The following SNTG1 variants were observed in gnomAD, a reference collection of about 807,000 sequenced individuals.
SNTG1 encodes syntrophin gamma 1.
Under a neutral mutation model 74.7 loss-of-function variants are expected in SNTG1, and 39 were observed. That is an observed-to-expected ratio of 0.52 (90% CI 0.40 to 0.68). The LOEUF is 0.68. Among genes scored for constraint, SNTG1 ranks in the 30% least tolerant of loss-of-function variants. The pLI, the probability that SNTG1 is intolerant of heterozygous loss-of-function variation, is 0.00. For synonymous variants in SNTG1, 254 were observed against 217.1 expected, an observed-to-expected ratio of 1.17 and a Z score of -1.49; for missense variants, 685 against 609.5, an observed-to-expected ratio of 1.12 and a Z score of -1.30.
intron 8 of SNTG1, among the ~76,000 whole-genome samples, chr8:50,501,184 C>G (rs1356227716): frequency 6.6e-6 from 1 of 151,860 alleles, no homozygotes; most frequent in African/African-American, 2.4e-5. Context: ...GTGGTATGAG[C>G]CTATATAGCG....
At chr8:50,618,405 C>G (rs1286920748) in intron 13 of SNTG1, among the ~76,000 whole-genome samples, 1 of 152,156 alleles carries the variant, frequency 6.6e-6, no homozygotes, top group East Asian at 1.9e-4. Context: ...CATTATAATT[C>G]TACCATATAC....
At chr8:50,746,600 C>T (rs2095555586) in intron 17 of SNTG1, among the ~76,000 whole-genome samples, 1 of 151,600 alleles carries the variant, frequency 6.6e-6, no homozygotes, top group South Asian at 2.1e-4. Flanking sequence ...AACATGACAC[C>T]ATAACAGAAA....
At chr8:50,450,474 T>G in intron 6 of SNTG1, 82 bp from the exon 7 acceptor site, 1 of 1,401,116 alleles carries the variant, frequency 7.1e-7, no homozygotes, top group Non-Finnish European at 1.0e-6. Flanking sequence ...TTTGTAAATT[T>G]TACCTTTATT....
chr8:50,455,831 T>C (rs1297160773), intron 8 of SNTG1, among the ~76,000 whole-genome samples: 1 of 152,214 alleles, frequency 6.6e-6, no homozygotes, highest in Non-Finnish European at 1.5e-5. Flanking sequence ...GCACAAATCA[T>C]GTTTTACCTA....
In SNTG1 at chr8:50,026,507, T is replaced by C. The variant is rs542575602; in HGVS notation, c.-103+114276T>C. Among the ~76,000 whole-genome samples the C allele has an allele frequency of 7.2e-5, 11 of 152,278 alleles. No homozygotes were observed. The South Asian group carries it at 2.3e-3, about 32-fold the overall frequency. Reference sequence around the variant, plus strand: ...TGACCAATTAAATTCATAAGAGTTTTCCATACTCCTGTCCCTAAGACTACC... The same window carrying C: ...TGACCAATTAAATTCATAAGAGTTTCCCATACTCCTGTCCCTAAGACTACC... On this transcript the variant is annotated intron_variant, in intron 1 of 18. Transcript: ENST00000642720.
intron 2 of SNTG1, among the ~76,000 whole-genome samples, chr8:50,295,164 T>C (rs1303297304): frequency 6.6e-6 from 1 of 152,132 alleles, no homozygotes; most frequent in Non-Finnish European, 1.5e-5. Flanking sequence ...AAATCAAACC[T>C]AAGGACAAAG....
chr8:50,727,098 G>C (rs1161935770), intron 17 of SNTG1, among the ~76,000 whole-genome samples: 2 of 152,108 alleles, frequency 1.3e-5, no homozygotes, highest in African/African-American at 4.8e-5. Flanking sequence ...ATACGCAAGA[G>C]AGAAAAGGTA....
intron 18 of SNTG1, among the ~76,000 whole-genome samples, chr8:50,777,341 T>A (rs2095643843): frequency 6.7e-6 from 1 of 150,148 alleles, no homozygotes; most frequent in Non-Finnish European, 1.5e-5. Flanking sequence ...ACTGGTTAAT[T>A]CTCACAATTC....
intron 2 of SNTG1, among the ~76,000 whole-genome samples, chr8:50,184,444 G>A (rs1255506163): frequency 6.6e-6 from 1 of 152,124 alleles, no homozygotes; most frequent in Admixed American, 6.6e-5. Flanking sequence ...GATTACAGGT[G>A]TGAGCCACCG....
chr8:50,129,514 G>T (rs1242648732), intron 1 of SNTG1, among the ~76,000 whole-genome samples: 2 of 152,090 alleles, frequency 1.3e-5, no homozygotes, highest in African/African-American at 4.8e-5. Flanking sequence ...GGCCTGAGTT[G>T]TCAGCAAAGC....
intron 13 of SNTG1, among the ~76,000 whole-genome samples, chr8:50,637,542 A>G (rs2095046848): frequency 6.6e-6 from 1 of 152,086 alleles, no homozygotes; most frequent in Admixed American, 6.6e-5. Flanking sequence ...AAACAGGCTT[A>G]GGTTTCAGGT....
intron 13 of SNTG1, among the ~76,000 whole-genome samples, chr8:50,650,225 AT>A (rs1393564157): frequency 1.3e-5 from 2 of 151,856 alleles, no homozygotes; most frequent in African/African-American, 2.4e-5. Context: ...GAATTTCATC[AT>A]TTTTTCTTCG....
At chr8:50,769,810 T>G (rs1322384981) in intron 18 of SNTG1, among the ~76,000 whole-genome samples, 1 of 152,110 alleles carries the variant, frequency 6.6e-6, no homozygotes, top group Admixed American at 6.6e-5. Flanking sequence ...TCTCTTATTT[T>G]ATTTACATTA....
intron 2 of SNTG1, among the ~76,000 whole-genome samples, chr8:50,353,103 T>C (rs943588118): frequency 1.3e-5 from 2 of 151,934 alleles, no homozygotes; most frequent in African/African-American, 4.8e-5. Flanking sequence ...ATGTCCTTTG[T>C]AGGGACATGG....
chr8:50,585,229 T>G (rs935479406), intron 12 of SNTG1, among the ~76,000 whole-genome samples: 25 of 152,218 alleles, frequency 1.6e-4, no homozygotes, highest in African/African-American at 6.0e-4. Context: ...CTGAATCCAT[T>G]TTACTTTGTG....
intron 13 of SNTG1, among the ~76,000 whole-genome samples, chr8:50,653,701 C>T (rs1053686509): frequency 2.3e-4 from 35 of 152,096 alleles, no homozygotes; most frequent in Admixed American, 1.1e-3. Context: ...TGAAAGATCA[C>T]GACATTTGCT....
At chr8:50,295,684 TG>T (rs2089330264) in intron 2 of SNTG1, among the ~76,000 whole-genome samples, 1 of 152,200 alleles carries the variant, frequency 6.6e-6, no homozygotes, top group Non-Finnish European at 1.5e-5. Flanking sequence ...CTATTCTCAT[TG>T]TTTTAGTTGT....
chr8:50,356,575 C>A (rs2091822412), intron 2 of SNTG1, among the ~76,000 whole-genome samples: 1 of 152,150 alleles, frequency 6.6e-6, no homozygotes, highest in South Asian at 2.1e-4. Flanking sequence ...CCGGCATCCG[C>A]TGTCTGGTAA....
rs2086586557 is a variant in SNTG1, at chr8:50,250,210, G to A, written c.-28+77575G>A. 2.0e-5 allele frequency among the ~76,000 whole-genome samples: 3 copies of A among 151,464 alleles called. No homozygotes were observed. In the South Asian group the frequency reaches 6.2e-4, roughly 32 times the overall value. ...GAGAGTTTTGACAACACTAGATCAA[G>A]CAGAAGAAAGAATCTCTGAGCTTAA... On this transcript the variant is annotated intron_variant, in intron 2 of 18. Coordinates refer to ENST00000642720, the MANE Select transcript of SNTG1 (RefSeq NM_018967.5).
Sources: allele counts gnomAD v4.1 joint callset (sites outside exome capture counted in the v4.1 genomes callset), GRCh38; gene constraint gnomAD v4.1.1; transcripts MANE v1.5; gene names NCBI Gene and HGNC (gene_info 2026-07-23, HGNC 2026-07-21).